DCTN1: variants seen among roughly 807,000 people sequenced by gnomAD.
DCTN1 encodes 150 kDa dynein-associated polypeptide.
DCTN1 carries 61 observed loss-of-function variants against 161.2 expected under a neutral mutation model. The observed-to-expected ratio is 0.38, with a 90% CI of 0.31 to 0.47. DCTN1 has a LOEUF of 0.47. Among genes scored for constraint, DCTN1 ranks in the 20% least tolerant of loss-of-function variants. DCTN1 has a pLI of 0.99. For missense variants in DCTN1, 1,404 were observed against 1,623.7 expected (o/e 0.86, Z 2.33); for synonymous variants, 653 against 632.4 (o/e 1.03, Z -0.49).
Position 74,361,285 on chromosome 2 carries a change from GAACAACA to G in DCTN1, c.*207_*213del. On this transcript the variant is annotated 3_prime_UTR_variant, in exon 32 of 32. Transcript: ENST00000628224. Reference sequence around the variant, plus strand: ...GCCCCTCAGGAAGGAGGGAGCAGTTGAACAACAAATTATGGCAGAGGCCAGGGAATGG... The same window carrying G: ...GCCCCTCAGGAAGGAGGGAGCAGTTGAATTATGGCAGAGGCCAGGGAATGG... 1 of 739,992 alleles carries G rather than the reference GAACAACA, an allele frequency of 1.4e-6. No homozygotes were observed. The highest frequency in any genetic ancestry group is 2.3e-6 in the Non-Finnish European group (1 of 426,334). 45.8% of individuals were successfully genotyped at this position (739,992 alleles called of 1,614,324 possible).
chr2:74,381,806 C>G (rs958690683), upstream of DCTN1, among the ~76,000 whole-genome samples: 3 of 152,156 alleles, frequency 2.0e-5, no homozygotes, highest in Non-Finnish European at 4.4e-5. Flanking sequence ...AGAGAGGTAT[C>G]GTGAGGATTA....
chr2:74,365,722 A>G, intron 24 of DCTN1, 65 bp from the exon 25 acceptor site: 1 of 1,613,024 alleles, frequency 6.2e-7, no homozygotes, highest in Non-Finnish European at 8.5e-7. Context: ...ACTGGGGGCT[A>G]GACCATGAGA....
intron 5 of DCTN1, among the ~76,000 whole-genome samples, chr2:74,375,900 G>T (rs1354451272): frequency 6.6e-6 from 1 of 152,136 alleles, no homozygotes; most frequent in African/African-American, 2.4e-5. Flanking sequence ...AGCTCTCCAT[G>T]CAATGTCAGA....
chr2:74,372,819 T>C, intron 7 of DCTN1, 109 bp downstream of exon 7: 1 of 1,132,888 alleles, frequency 8.8e-7, no homozygotes, highest in Non-Finnish European at 1.3e-6. Flanking sequence ...GAACCCAGGA[T>C]ACACTATGAC....
upstream of DCTN1, chr2:74,380,695 C>G (rs1189137219): frequency 5.0e-6 from 2 of 400,066 alleles, no homozygotes; most frequent in Non-Finnish European, 1.0e-5. Flanking sequence ...TGAGTAGGGC[C>G]TGGATTTCAA....
chr2:74,369,286 C>T lies in DCTN1; in HGVS notation c.1584+14G>A. 1 of 1,614,144 alleles carries T rather than the reference C, an allele frequency of 6.2e-7. No homozygotes were observed. Among genetic ancestry groups the T allele is most frequent in the Non-Finnish European group, 8.5e-7 (1 of 1,180,028 alleles). On this transcript the variant is annotated intron_variant, in intron 14 of 31. Coordinates refer to ENST00000628224, the MANE Select transcript of DCTN1 (RefSeq NM_004082.5). The surrounding 1 kb of genome is among the most constrained non-coding windows in gnomAD (Gnocchi z 4.9). ...GGGGTGATGGTGGGCAGAGAGCAAA[C>T]AGTGGGCATGTACCTGTAGATGGGC...
intron 26 of DCTN1, chr2:74,364,516 T>C (rs900944254): frequency 1.1e-5 from 2 of 180,238 alleles, no homozygotes; most frequent in Non-Finnish European, 2.4e-5. Flanking sequence ...AGGCTAGAAC[T>C]GGTAACCAGA....
In DCTN1 at chr2:74,367,065, G is replaced by A. The variant is rs766338463; in HGVS notation, c.2296C>T (p.Arg766Trp). ...ALDCMSVEVG[R>W]LRAFLQGGQE... is the part of the protein sequence containing the mutation. ...CTCACCTGCAAGAAGGCACGCAGCC[G>A]TCCTACCTCCACACTCATGCAGTCC... The change falls in exon 20 of 32, where the codon CGG becomes TGG. Residue 766 changes from arginine to tryptophan, a missense_variant. Arg to Trp is a moderately radical substitution (Grantham distance 101). Transcript: ENST00000628224. 20 of 1,614,050 alleles carry A rather than the reference G, an allele frequency of 1.2e-5. No homozygotes were observed. The highest frequency in any genetic ancestry group is 2.2e-5 in the South Asian group (2 of 91,084).
chr2:74,367,325 GC>G, intron 19 of DCTN1, 26 bp downstream of exon 19: 2 of 1,613,122 alleles, frequency 1.2e-6, no homozygotes, highest in Non-Finnish European at 1.7e-6. Context: ...CTCCACGGGG[GC>G]TCAATCACTG....
chr2:74,375,992 A>G (rs574696743), intron 5 of DCTN1, among the ~76,000 whole-genome samples: 10 of 152,364 alleles, frequency 6.6e-5, no homozygotes, highest in African/African-American at 2.4e-4. Flanking sequence ...AGGCACATGC[A>G]GGTCAAAAAC....
intron 7 of DCTN1, 103 bp downstream of exon 7, chr2:74,372,825 A>G: frequency 8.4e-7 from 1 of 1,189,504 alleles, no homozygotes; most frequent in Non-Finnish European, 1.3e-6. Context: ...AGGATACACT[A>G]TGACGAACTT....
intron 23 of DCTN1, 34 bp downstream of exon 23, chr2:74,366,210 C>G: frequency 6.2e-7 from 1 of 1,613,872 alleles, no homozygotes; most frequent in Non-Finnish European, 8.5e-7. Context: ...CTCCTACAGG[C>G]CTCTGCAACT....
At chr2:74,378,446 C>T (rs1675350457) in intron 1 of DCTN1, among the ~76,000 whole-genome samples, 1 of 152,236 alleles carries the variant, frequency 6.6e-6, no homozygotes, top group Non-Finnish European at 1.5e-5. Flanking sequence ...CTCCAAATTC[C>T]TCTGGAATCT....
chr2:74,373,146 C>T (rs1674991807), intron 6 of DCTN1, 198 bp from the exon 7 acceptor site: 1 of 659,604 alleles, frequency 1.5e-6, no homozygotes, highest in Non-Finnish European at 2.8e-6. Flanking sequence ...CCCAGAATTC[C>T]TGTTCCCCTT....
rs545910781 is a variant in DCTN1, at chr2:74,366,318, G to C, written c.2686C>G (p.Leu896Val). The C allele has an allele frequency of 3.1e-6, 5 of 1,614,228 alleles. No individual in the cohort carries two copies. In the African/African-American group the frequency reaches 6.7e-5, roughly 22 times the overall value. The change falls in exon 23 of 32, where the codon CTC (leucine) becomes GTC (valine). Residue 896 changes from leucine to valine, a missense_variant. This residue lies in a region of DCTN1 where 475 missense variants were observed against 489.8 expected (regional missense o/e 0.97). Transcript: ENST00000628224. ...YECLRQSCNILISTMNKLATA... is the reference protein window; with the variant it reads ...YECLRQSCNIVISTMNKLATA... ...GCCAGCTTGTTCATGGTACTGATGAGGATGTTGCATGACTGGCGCAGACAC... is the reference window on the plus strand; with the variant it reads ...GCCAGCTTGTTCATGGTACTGATGACGATGTTGCATGACTGGCGCAGACAC...
intron 1 of DCTN1, chr2:74,390,560 G>A (rs575080017): frequency 4.8e-6 from 2 of 419,728 alleles, no homozygotes; most frequent in East Asian, 1.5e-4. Flanking sequence ...AAATATTTGA[G>A]ATCTTGTAGT....
At chr2:74,367,624 A>C in intron 18 of DCTN1, 72 bp downstream of exon 18, 2 of 1,605,552 alleles carry the variant, frequency 1.2e-6, no homozygotes, top group Non-Finnish European at 1.7e-6. Flanking sequence ...AACCTTGAAT[A>C]TATTAGTAAG....
chr2:74,368,138 GA>G lies in DCTN1; in HGVS notation c.1855-8del. 2 of 1,577,520 alleles carry G rather than the reference GA, an allele frequency of 1.3e-6. No individual in the cohort carries two copies. Among genetic ancestry groups the G allele is most frequent in the Admixed American group, 3.7e-5 (2 of 54,638 alleles). On this transcript the variant is annotated splice_polypyrimidine_tract_variant and splice_region_variant and intron_variant, in intron 16 of 31. Transcript: ENST00000628224. ...GCTTCCGGATCAGCTCTGCCTGTGG[GA>G]AAAAGCACCAGGAACCTGGGCCTCA...
At position 74,369,431 on chromosome 2, in the gene DCTN1, G is replaced by A; in HGVS notation, c.1453C>T (p.Leu485=). The A allele has an allele frequency of 6.2e-7, 1 of 1,614,184 alleles. No homozygotes were observed. Among genetic ancestry groups the A allele is most frequent in the Non-Finnish European group, 8.5e-7 (1 of 1,180,042 alleles). ...QENARETELE[L]REQLDMAGAR... ...CCTGCCATGTCCAGCTGCTCCCGCAGCTCCAGTTCTGTCTCACGTGCATTC... is the reference window on the plus strand; with the variant it reads ...CCTGCCATGTCCAGCTGCTCCCGCAACTCCAGTTCTGTCTCACGTGCATTC... Residue 485 remains leucine, a synonymous_variant, in exon 14 of 32, where the codon CTG becomes TTG. Transcript: ENST00000628224. This position sits in a 1 kb window ranked among gnomAD's most constrained non-coding sequence, Gnocchi z 4.9.
Sources: gnomAD v4.1 joint callset for allele counts (sites outside exome capture counted in the v4.1 genomes callset) on GRCh38, gnomAD v4.1.1 for gene constraint, gnomAD v4.1.1 regional missense constraint, Gnocchi (gnomAD v3.1) non-coding constraint, MANE v1.5 for transcripts, NCBI Gene and HGNC (gene_info 2026-07-23, HGNC 2026-07-21) for gene names.